Variants in ATG10 observed in about 807,000 individuals in gnomAD.
ATG10 encodes the protein ubiquitin-like-conjugating enzyme ATG10.
ATG10 carries 30 observed loss-of-function variants against 32.1 expected under a neutral mutation model. That is an observed-to-expected ratio of 0.94 (90% confidence interval 0.70 to 1.27). The LOEUF (loss-of-function observed/expected upper bound fraction) is 1.27. Ranked by LOEUF, ATG10 falls within the 50% of genes most tolerant of loss-of-function variation. ATG10 has a pLI of 0.00. For synonymous variants in ATG10, 87 were observed against 91.5 expected, an observed-to-expected ratio of 0.95 and a Z score of 0.28; for missense variants, 233 against 262.3, an observed-to-expected ratio of 0.89 and a Z score of 0.77.
intron 5 of ATG10, among the ~76,000 whole-genome samples, chr5:82,195,550 T>C (rs1348183796): frequency 6.6e-6 from 1 of 152,178 alleles, no homozygotes; most frequent in Non-Finnish European, 1.5e-5. Context: ...TCCTTCCTCC[T>C]CTCAGTTGTT....
chr5:82,149,238 T>C (rs182620036), intron 3 of ATG10, among the ~76,000 whole-genome samples: 4 of 151,976 alleles, frequency 2.6e-5, no homozygotes, highest in Non-Finnish European at 5.9e-5. Context: ...TTTACTAATA[T>C]ACCCCGTATT....
chr5:82,159,625 C>T (rs1404019000), intron 3 of ATG10, among the ~76,000 whole-genome samples: 3 of 151,946 alleles, frequency 2.0e-5, no homozygotes, highest in African/African-American at 7.3e-5. Flanking sequence ...CACCCAGGGA[C>T]CCATCTAACA....
intron 1 of ATG10, among the ~76,000 whole-genome samples, chr5:81,977,026 C>T (rs527970379): frequency 6.6e-6 from 1 of 152,230 alleles, no homozygotes; most frequent in East Asian, 1.9e-4. Flanking sequence ...CAGGCATGCA[C>T]CACTATGCCA....
intron 3 of ATG10, among the ~76,000 whole-genome samples, chr5:82,115,648 A>C (rs1765782480): frequency 1.3e-5 from 2 of 152,022 alleles, no homozygotes; most frequent in African/African-American, 2.4e-5. Flanking sequence ...ACTGTCTCAT[A>C]CTTTAAACAC....
At chr5:82,210,033 C>T (rs1045671518) in intron 5 of ATG10, among the ~76,000 whole-genome samples, 2 of 152,108 alleles carry the variant, frequency 1.3e-5, no homozygotes, top group Non-Finnish European at 2.9e-5. Flanking sequence ...TTTAAAAATT[C>T]CACTTCCTTA....
intron 1 of ATG10, among the ~76,000 whole-genome samples, chr5:81,986,068 C>T (rs961906912): frequency 2.0e-5 from 3 of 151,332 alleles, no homozygotes; most frequent in African/African-American, 7.3e-5. Context: ...CTGGCCACGC[C>T]TGCCTAATTT....
chr5:82,186,843 A>C lies in ATG10; in HGVS notation c.453+8256A>C, dbSNP rs556685649. Among the ~76,000 whole-genome samples, 433 of 152,222 alleles carry C rather than the reference A, an allele frequency of 2.8e-3. 1 individual carries two copies. Among genetic ancestry groups the C allele is most frequent in the African/African-American group, 9.9e-3 (413 of 41,548 alleles). On this transcript the variant is annotated intron_variant, in intron 5 of 7. Coordinates refer to ENST00000282185, the MANE Select transcript of ATG10 (RefSeq NM_031482.5). Reference sequence around the variant, plus strand: ...GTGATCCGCCAGCCTTGGCCTCCCAAAGTGCTGGGATTACAGGCGTGAGCC... The same window carrying C: ...GTGATCCGCCAGCCTTGGCCTCCCACAGTGCTGGGATTACAGGCGTGAGCC...
chr5:82,234,411 G>T (rs1746481403), intron 5 of ATG10, among the ~76,000 whole-genome samples: 1 of 152,090 alleles, frequency 6.6e-6, no homozygotes, highest in Non-Finnish European at 1.5e-5. Context: ...TGGTGTGCAG[G>T]ACCACTGCTG....
chr5:82,083,456 C>A (rs1389919872), intron 3 of ATG10, among the ~76,000 whole-genome samples: 4 of 152,196 alleles, frequency 2.6e-5, no homozygotes, highest in Non-Finnish European at 5.9e-5. Flanking sequence ...CTTAAACATG[C>A]CTGTCTGACA....
chr5:81,985,771 C>CT (rs943224064), intron 1 of ATG10, among the ~76,000 whole-genome samples: 2 of 152,074 alleles, frequency 1.3e-5, no homozygotes. Flanking sequence ...GTCTTTTTTA[C>CT]TTTTTTTCTG....
At chr5:82,184,364 TA>T (rs1195023499) in intron 5 of ATG10, among the ~76,000 whole-genome samples, 1 of 152,228 alleles carries the variant, frequency 6.6e-6, no homozygotes, top group African/African-American at 2.4e-5. Flanking sequence ...TAATCATTAT[TA>T]TTTTTTCCAG....
intron 1 of ATG10, among the ~76,000 whole-genome samples, chr5:81,976,769 G>A (rs757778028): frequency 6.6e-6 from 1 of 152,190 alleles, no homozygotes. Flanking sequence ...GCTTGTGGGA[G>A]TTATTTATAT....
rs1747442572 is a variant in ATG10, at chr5:82,255,853, G to C, written c.*1790G>C. ...CCCTCAGTCCACGTCTGCAGATTAA[G>C]AGCTGAACTCTCACAGAGAAAGTGG... On this transcript the variant is annotated 3_prime_UTR_variant, in exon 8 of 8. Transcript: ENST00000282185. The C allele has an allele frequency of 1.3e-5, 2 of 152,340 alleles. No homozygotes were observed. The highest frequency in any genetic ancestry group is 4.1e-4 in the South Asian group (2 of 4,826). The allele number at this position is 152,340 out of a possible 1,614,324, so 9.4% of individuals were successfully genotyped here.
intron 5 of ATG10, among the ~76,000 whole-genome samples, chr5:82,222,306 G>A (rs534088935): frequency 2.0e-5 from 3 of 152,328 alleles, no homozygotes; most frequent in African/African-American, 4.8e-5. Flanking sequence ...CAAATTAGTT[G>A]TGAATACTGG....
At chr5:82,208,496 C>T (rs921178414) in intron 5 of ATG10, among the ~76,000 whole-genome samples, 1 of 152,084 alleles carries the variant, frequency 6.6e-6, no homozygotes, top group Non-Finnish European at 1.5e-5. Flanking sequence ...TAGTATTCTA[C>T]TTATAGAACT....
chr5:82,253,298 T>C lies in ATG10; in HGVS notation c.552-16T>C, dbSNP rs772744748. The stretch of plus-strand genomic sequence containing the variant: ...ATGGAAACGTTAGCATGGCCTGTAT[T>C]TCACTTGTTTCCTAGGAATGTCAAC... On this transcript the variant is annotated splice_polypyrimidine_tract_variant and intron_variant, in intron 6 of 7. Transcript: ENST00000282185. The C allele has an allele frequency of 6.4e-7, 1 of 1,557,410 alleles. No individual in the cohort carries two copies. The highest frequency in any genetic ancestry group is 2.2e-5 in the East Asian group (1 of 44,556).
intron 1 of ATG10, among the ~76,000 whole-genome samples, chr5:81,981,301 G>T (rs1002957503): frequency 6.6e-6 from 1 of 152,184 alleles, no homozygotes; most frequent in Non-Finnish European, 1.5e-5. Context: ...ATTATTTTGG[G>T]TCTTCAGAAT....
chr5:82,102,989 TA>T (rs984456893), intron 3 of ATG10, among the ~76,000 whole-genome samples: 5 of 152,166 alleles, frequency 3.3e-5, no homozygotes, highest in Admixed American at 2.0e-4. Flanking sequence ...GATGACAATT[TA>T]TTTTTTTTAG....
intron 5 of ATG10, among the ~76,000 whole-genome samples, chr5:82,227,941 T>TA (rs1259659461): frequency 1.3e-5 from 2 of 152,156 alleles, no homozygotes; most frequent in Non-Finnish European, 2.9e-5. Flanking sequence ...TGCAGTGGCT[T>TA]ATGCCTGTAA....
Sources: gnomAD v4.1 joint callset for allele counts (sites outside exome capture counted in the v4.1 genomes callset) on GRCh38, gnomAD v4.1.1 for gene constraint, MANE v1.5 for transcripts, NCBI Gene and HGNC (gene_info 2026-07-23, HGNC 2026-07-21) for gene names.